Variants in PICALM observed in about 807,000 individuals in gnomAD.
The protein encoded by PICALM is phosphatidylinositol binding clathrin assembly protein.
In PICALM, 40 loss-of-function variants were observed where a neutral mutation model predicts 80.5. The ratio of observed to expected loss-of-function variants is 0.50; its 90% CI spans 0.39 to 0.65. The LOEUF (loss-of-function observed/expected upper bound fraction) is 0.65. PICALM is among the 30% of genes least tolerant of loss of function. PICALM has a pLI of 0.00. For synonymous variants in PICALM, 288 were observed against 260.3 expected (o/e 1.11, Z -1.02); for missense variants, 676 against 778.9 (o/e 0.87, Z 1.57).
At chr11:86,030,425 C>A (rs1192655298) in intron 2 of PICALM, among the ~76,000 whole-genome samples, 1 of 152,180 alleles carries the variant, frequency 6.6e-6, no homozygotes, top group Non-Finnish European at 1.5e-5. Context: ...AAAACTAATA[C>A]CAATGACTAA....
chr11:85,982,423 C>CTTTTTTGTTTTTT (rs1555034095), intron 14 of PICALM, among the ~76,000 whole-genome samples: 1 of 70,170 alleles, frequency 1.4e-5, no homozygotes, highest in Non-Finnish European at 2.6e-5. Context: ...ATTTTATAGA[C>CTTTTTTGTTTTTT]TTTTTTTTTT....
intron 13 of PICALM, among the ~76,000 whole-genome samples, chr11:85,989,528 A>G (rs953942513): frequency 6.6e-6 from 1 of 152,160 alleles, no homozygotes; most frequent in African/African-American, 2.4e-5. Flanking sequence ...GGGGGAGCAG[A>G]GTTAGCATCT....
intron 16 of PICALM, among the ~76,000 whole-genome samples, chr11:85,981,535 A>G (rs2094442709): frequency 6.6e-6 from 1 of 151,712 alleles, no homozygotes; most frequent in Non-Finnish European, 1.5e-5. Context: ...TGAATCCGGG[A>G]GGCGGAGCTT....
At chr11:86,043,007 C>T (rs552591916) in intron 1 of PICALM, among the ~76,000 whole-genome samples, 74 of 152,238 alleles carry the variant, frequency 4.9e-4, no homozygotes, top group African/African-American at 1.7e-3. Context: ...AATGACCAAC[C>T]GTCCTGGTTT....
intron 13 of PICALM, among the ~76,000 whole-genome samples, chr11:85,986,775 TAC>T (rs949520625): frequency 1.3e-5 from 2 of 151,968 alleles, no homozygotes; most frequent in African/African-American, 4.8e-5. Context: ...TTTACAGAAA[TAC>T]ACACACACAC....
chr11:86,068,458 G>C (rs564544347), intron 1 of PICALM, among the ~76,000 whole-genome samples, 193 bp downstream of exon 1: 3 of 152,222 alleles, frequency 2.0e-5, no homozygotes, highest in Middle Eastern at 3.4e-3. Context: ...ATTTTGAGAC[G>C]GGGAGCGGAG....
At chr11:85,981,802 A>T in intron 15 of PICALM, 27 bp from the exon 16 acceptor site, 1 of 1,612,616 alleles carries the variant, frequency 6.2e-7, no homozygotes, top group Non-Finnish European at 8.5e-7. Context: ...ACAAAAAAGC[A>T]TTTTATAACA....
intron 2 of PICALM, among the ~76,000 whole-genome samples, chr11:86,029,467 C>A (rs2095710601): frequency 6.6e-6 from 1 of 152,174 alleles, no homozygotes; most frequent in South Asian, 2.1e-4. Flanking sequence ...CTACAGGAAG[C>A]TAAACATGAG....
At chr11:85,986,022 T>C (rs1283951418) in intron 13 of PICALM, among the ~76,000 whole-genome samples, 1 of 152,062 alleles carries the variant, frequency 6.6e-6, no homozygotes, top group African/African-American at 2.4e-5. Context: ...ATCTGTGAAA[T>C]TATGACATAA....
chr11:85,987,073 A>G (rs2094595002), intron 13 of PICALM, among the ~76,000 whole-genome samples: 1 of 152,220 alleles, frequency 6.6e-6, no homozygotes. Context: ...TGGATTGTTA[A>G]TTGATTTTGG....
chr11:86,063,280 A>G lies in PICALM; in HGVS notation c.130+5371T>C, dbSNP rs139392137. On this transcript the variant is annotated intron_variant, in intron 1 of 19. Transcript: ENST00000393346. ...GAAAGAAAAATGTCAATCACATCTT[A>G]TGAAGTGTTTCACTTCTCACCTGCC... 4.0e-3 allele frequency among the ~76,000 whole-genome samples: 602 copies of G among 152,338 alleles called. 5 individuals are homozygous for G. The highest frequency in any genetic ancestry group is 0.014 in the African/African-American group (584 of 41,592).
chr11:86,042,629 C>G (rs1045589891), intron 1 of PICALM, among the ~76,000 whole-genome samples: 1 of 145,682 alleles, frequency 6.9e-6, no homozygotes, highest in South Asian at 2.2e-4. Context: ...ACTAACTGTT[C>G]GTTAGCCCAG....
At chr11:86,027,712 C>T (rs903659285) in intron 2 of PICALM, among the ~76,000 whole-genome samples, 1 of 151,936 alleles carries the variant, frequency 6.6e-6, no homozygotes, top group African/African-American at 2.4e-5. Flanking sequence ...GTAGAGACAA[C>T]GTCTTACTAC....
intron 1 of PICALM, among the ~76,000 whole-genome samples, chr11:86,057,533 A>G (rs2096288446): frequency 1.3e-5 from 2 of 152,094 alleles, no homozygotes; most frequent in Non-Finnish European, 2.9e-5. Flanking sequence ...GTAAGACTCC[A>G]TCTCAAAAAC....
At chr11:86,050,268 CCCAAAAAAAAAG>C (rs2096161927) in intron 1 of PICALM, among the ~76,000 whole-genome samples, 1 of 151,136 alleles carries the variant, frequency 6.6e-6, no homozygotes, top group Non-Finnish European at 1.5e-5. Context: ...AAAAGGCCCC[CCCAAAAAAAAAG>C]CCAAAAAGAA....
At chr11:86,031,903 A>C (rs1284077090) in intron 1 of PICALM, among the ~76,000 whole-genome samples, 1 of 152,216 alleles carries the variant, frequency 6.6e-6, no homozygotes. Context: ...GAATTGTTTC[A>C]AGGTTTTGAG....
At chr11:85,973,815 A>G (rs984929379) in intron 19 of PICALM, among the ~76,000 whole-genome samples, 1 of 152,256 alleles carries the variant, frequency 6.6e-6, no homozygotes, top group African/African-American at 2.4e-5. Context: ...TTCAAGCATT[A>G]AACACATAAC....
At chr11:86,024,239 C>T (rs1331156353) in intron 3 of PICALM, among the ~76,000 whole-genome samples, 3 of 151,722 alleles carry the variant, frequency 2.0e-5, no homozygotes. Flanking sequence ...GTTAGAGCGC[C>T]GTAACTCTTG....
At chr11:85,980,748 A>G (rs2094418257) in intron 17 of PICALM, among the ~76,000 whole-genome samples, 1 of 152,224 alleles carries the variant, frequency 6.6e-6, no homozygotes, top group African/African-American at 2.4e-5. Flanking sequence ...TAGGCTGCCT[A>G]GGTTATAAAA....
Sources: allele counts gnomAD v4.1 joint callset (sites outside exome capture counted in the v4.1 genomes callset), GRCh38; gene constraint gnomAD v4.1.1; transcripts MANE v1.5; gene names NCBI Gene and HGNC (gene_info 2026-07-23, HGNC 2026-07-21).